The following INTS7 variants were observed in gnomAD, a reference collection of about 807,000 sequenced individuals.
INTS7 encodes the protein chromosome 1 open reading frame 73.
In INTS7, 46 loss-of-function variants were observed where a neutral mutation model predicts 109.2. The ratio of observed to expected loss-of-function variants is 0.42; its 90% CI spans 0.33 to 0.54. The LOEUF is 0.54. Among genes scored for constraint, INTS7 ranks in the 20% least tolerant of loss-of-function variants. The probability of loss-of-function intolerance (pLI) is 0.07; values close to 1 mark genes in which losing one functional copy is unlikely to be tolerated. For missense variants in INTS7, 929 were observed against 1,132.4 expected, an observed-to-expected ratio of 0.82 and a Z score of 2.58; for synonymous variants, 412 against 402.9, an observed-to-expected ratio of 1.02 and a Z score of -0.27.
chr1:212,028,402 T>C lies in INTS7; in HGVS notation c.94+6942A>G, dbSNP rs866794712. On this transcript the variant is annotated intron_variant, in intron 1 of 19. Coordinates refer to ENST00000366994, the MANE Select transcript of INTS7 (RefSeq NM_015434.4). ...GTGTCTGACCAAAGAAACATAGTAG[T>C]ACTGCAGAAACATTACAGTACTGCA... 1.8e-4 allele frequency among the ~76,000 whole-genome samples: 27 copies of C among 152,344 alleles called. No homozygotes were observed. The Middle Eastern group carries it at 0.01, about 58-fold the overall frequency.
Position 212,035,469 on chromosome 1 carries a change from G to A in INTS7, c.-32C>T, listed in dbSNP as rs781154100. On this transcript the variant is annotated 5_prime_UTR_variant, in exon 1 of 20. Coordinates refer to ENST00000366994, the MANE Select transcript of INTS7 (RefSeq NM_015434.4). ...AATAGTTACTCGACTAGCCTAGTCA[G>A]AAAGCTTGCAAACTCTACCCCAGGA... 6.6e-7 allele frequency: 1 copy of A among 1,508,182 alleles called. No homozygotes were observed. The highest frequency in any genetic ancestry group is 9.2e-7 in the Non-Finnish European group (1 of 1,083,684). 93.4% of individuals were successfully genotyped at this position (1,508,182 alleles called of 1,614,324 possible). A position where few individuals can be genotyped will look rare whatever the true frequency, so the allele number is the denominator to read the frequency against.
intron 9 of INTS7, 71 bp from the exon 10 acceptor site, chr1:211,981,261 T>A (rs1664654087): frequency 1.1e-6 from 1 of 884,606 alleles, no homozygotes; most frequent in Non-Finnish European, 1.8e-6. Flanking sequence ...TATACATGCA[T>A]ACACACTCTC....
Position 211,943,349 on chromosome 1 carries a change from T to C in INTS7, c.2602-1238A>G, listed in dbSNP as rs147960331. ...GACCATAGCTTCTAGGTTTGAATGT[T>C]ATTTTCTTAACAGTAGAAATTATAT... On this transcript the variant is annotated intron_variant, in intron 19 of 19. Coordinates refer to ENST00000366994, the MANE Select transcript of INTS7 (RefSeq NM_015434.4). Among the ~76,000 whole-genome samples the C allele has an allele frequency of 1.5e-3, 234 of 152,082 alleles. 2 individuals carry two copies. Among genetic ancestry groups the C allele is most frequent in the African/African-American group, 5.3e-3 (219 of 41,492 alleles).
chr1:211,976,857 AT>A, intron 11 of INTS7, 138 bp from the exon 12 acceptor site: 1 of 732,256 alleles, frequency 1.4e-6, no homozygotes, highest in East Asian at 2.7e-5. Context: ...CATTTATTTA[AT>A]TTTTTATTTT....
At chr1:212,033,089 G>A (rs1405826578) in intron 1 of INTS7, among the ~76,000 whole-genome samples, 1 of 152,092 alleles carries the variant, frequency 6.6e-6, no homozygotes, top group African/African-American at 2.4e-5. Context: ...CTCATTAACT[G>A]CCATGTTCCT....
chr1:211,972,211 A>G (rs950717649), intron 13 of INTS7, among the ~76,000 whole-genome samples: 2 of 152,152 alleles, frequency 1.3e-5, no homozygotes, highest in African/African-American at 4.8e-5. Flanking sequence ...TATGCCCTAC[A>G]TAATACATGT....
At chr1:211,969,804 C>T (rs1049350884) in intron 13 of INTS7, among the ~76,000 whole-genome samples, 3 of 151,742 alleles carry the variant, frequency 2.0e-5, no homozygotes, top group East Asian at 3.9e-4. Context: ...CTGCAAGCTC[C>T]GTCTTCCGGG....
At chr1:211,985,141 C>T (rs752665574) in intron 8 of INTS7, among the ~76,000 whole-genome samples, 9 of 152,126 alleles carry the variant, frequency 5.9e-5, no homozygotes, top group South Asian at 4.1e-4. Flanking sequence ...AATTTATATT[C>T]GCAGCAGTAA....
intron 17 of INTS7, among the ~76,000 whole-genome samples, chr1:211,951,664 A>G (rs1663098574): frequency 6.6e-6 from 1 of 152,180 alleles, no homozygotes; most frequent in African/African-American, 2.4e-5. Context: ...TCTCCCTACC[A>G]TGTGAAGATG....
intron 1 of INTS7, among the ~76,000 whole-genome samples, chr1:212,027,299 G>T (rs553079851): frequency 6.6e-6 from 1 of 152,158 alleles, no homozygotes; most frequent in African/African-American, 2.4e-5. Context: ...AGCTCAGCAC[G>T]TTCCAGTTCT....
chr1:211,955,773 T>A (rs1337024558), intron 16 of INTS7, among the ~76,000 whole-genome samples: 2 of 152,212 alleles, frequency 1.3e-5, no homozygotes, highest in African/African-American at 4.8e-5. Flanking sequence ...CTACAGTTTA[T>A]GCATACGTGG....
At chr1:211,995,974 C>T (rs770126507) in intron 7 of INTS7, among the ~76,000 whole-genome samples, 1 of 152,128 alleles carries the variant, frequency 6.6e-6, no homozygotes, top group Non-Finnish European at 1.5e-5. Flanking sequence ...GGTATTGCTA[C>T]AGCAGCCCAA....
intron 13 of INTS7, among the ~76,000 whole-genome samples, chr1:211,969,008 G>A (rs1034784351): frequency 6.6e-6 from 1 of 152,204 alleles, no homozygotes; most frequent in African/African-American, 2.4e-5. Context: ...ATCACGGCCA[G>A]GTGCGGTGGC....
At chr1:211,981,256 ATG>A in intron 9 of INTS7, 66 bp from the exon 10 acceptor site, 1 of 923,240 alleles carries the variant, frequency 1.1e-6, no homozygotes, top group Non-Finnish European at 1.8e-6. Flanking sequence ...ACACATATAC[ATG>A]CATACACACT....
At chr1:211,951,005 G>A (rs950102856) in intron 17 of INTS7, among the ~76,000 whole-genome samples, 1 of 152,154 alleles carries the variant, frequency 6.6e-6, no homozygotes, top group Admixed American at 6.5e-5. Context: ...ATTCAATTCA[G>A]TAAATACTAT....
chr1:212,011,276 A>C (rs1666156777), intron 5 of INTS7, 99 bp downstream of exon 5: 1 of 647,974 alleles, frequency 1.5e-6, no homozygotes, highest in African/African-American at 1.8e-5. Flanking sequence ...ATATTATTTG[A>C]ATGTATGGTG....
intron 7 of INTS7, among the ~76,000 whole-genome samples, chr1:211,988,361 G>C (rs927127425): frequency 6.6e-6 from 1 of 151,382 alleles, no homozygotes; most frequent in Non-Finnish European, 1.5e-5. Context: ...GGTCGAGACT[G>C]CTATAAACCA....
chr1:212,009,772 T>TC (rs201217456), intron 5 of INTS7, among the ~76,000 whole-genome samples: 3,968 of 152,286 alleles, frequency 0.026, 57 homozygotes, highest in African/African-American at 0.046. Flanking sequence ...ACTGATAAAA[T>TC]CTGCTCAATG....
At chr1:212,020,656 A>T (rs752482953) in intron 2 of INTS7, 7 of 724,818 alleles carry the variant, frequency 9.7e-6, no homozygotes, top group Non-Finnish European at 1.2e-5. Context: ...GGAGAATGGC[A>T]GAAAGCAGCA....
Sources: gnomAD v4.1 joint callset for allele counts (sites outside exome capture counted in the v4.1 genomes callset) on GRCh38, gnomAD v4.1.1 for gene constraint, MANE v1.5 for transcripts, NCBI Gene and HGNC (gene_info 2026-07-23, HGNC 2026-07-21) for gene names.